Variants in GRM5 observed in about 807,000 individuals in gnomAD.
GRM5 encodes the protein glutamate metabotropic receptor 5.
In GRM5, 19 loss-of-function variants were observed where a neutral mutation model predicts 83.1. The ratio of observed to expected loss-of-function variants is 0.23; its 90% confidence interval spans 0.16 to 0.34. The LOEUF is 0.34. GRM5 is among the 10% of genes least tolerant of loss of function. GRM5 has a pLI of 1.00. For missense variants in GRM5, 1,160 were observed against 1,588.3 expected (o/e 0.73, Z 4.58); for synonymous variants, 675 against 633.6 (o/e 1.07, Z -0.98).
chr11:88,525,885 T>A (rs1225743381), intron 8 of GRM5, among the ~76,000 whole-genome samples: 1 of 152,232 alleles, frequency 6.6e-6, no homozygotes, highest in East Asian at 1.9e-4. Context: ...TTAAGCAAAT[T>A]AATCAAAGAT....
chr11:88,683,241 A>G (rs975477072), intron 3 of GRM5, among the ~76,000 whole-genome samples: 3 of 152,090 alleles, frequency 2.0e-5, no homozygotes, highest in African/African-American at 7.2e-5. Flanking sequence ...CATTAATGGT[A>G]TTGTCAATGC....
chr11:88,745,176 AT>A (rs969785948), intron 3 of GRM5, among the ~76,000 whole-genome samples: 2 of 133,706 alleles, frequency 1.5e-5, no homozygotes, highest in African/African-American at 2.8e-5. Flanking sequence ...ACTTCTCCTA[AT>A]TTTTTTTTCT....
In GRM5 at chr11:89,027,761, C is replaced by A. The variant is rs546552930; in HGVS notation, c.661+19451G>T. Among the ~76,000 whole-genome samples, 5 of 152,164 alleles carry A rather than the reference C, an allele frequency of 3.3e-5. 1 individual carries two copies. Among genetic ancestry groups the A allele is most frequent in the Admixed American group, 3.3e-4 (5 of 15,288 alleles). On this transcript the variant is annotated intron_variant, in intron 2 of 9. Coordinates refer to ENST00000305447, the MANE Select transcript of GRM5 (RefSeq NM_001143831.3). ...ATAATTCAGTATGTATTTATTTGAC[C>A]TCCATGTACTCAAAACTATGGCAAC...
intron 3 of GRM5, among the ~76,000 whole-genome samples, chr11:88,707,132 G>T (rs1217745839): frequency 6.6e-6 from 1 of 151,994 alleles, no homozygotes; most frequent in Non-Finnish European, 1.5e-5. Context: ...GTGTGGTATT[G>T]GTACTTGAGT....
chr11:88,990,308 C>A (rs1939919901), intron 2 of GRM5, among the ~76,000 whole-genome samples: 1 of 151,976 alleles, frequency 6.6e-6, no homozygotes, highest in Admixed American at 6.6e-5. Context: ...CAAGACTAAA[C>A]CAGGAAGAAG....
intron 2 of GRM5, among the ~76,000 whole-genome samples, chr11:89,040,690 G>T (rs1239184467): frequency 6.6e-6 from 1 of 151,922 alleles, no homozygotes; most frequent in South Asian, 2.1e-4. Context: ...AATAGAGAGA[G>T]ACCCTGTCTC....
intron 4 of GRM5, among the ~76,000 whole-genome samples, chr11:88,620,972 A>T (rs551130063): frequency 1.3e-5 from 2 of 152,338 alleles, no homozygotes; most frequent in African/African-American, 2.4e-5. Flanking sequence ...CTCCGTGCAG[A>T]ACATCAAATT....
At chr11:88,690,971 A>G (rs1940766871) in intron 3 of GRM5, among the ~76,000 whole-genome samples, 1 of 152,210 alleles carries the variant, frequency 6.6e-6, no homozygotes, top group Admixed American at 6.5e-5. Flanking sequence ...AAACCAGCCT[A>G]TGGATCAATT....
At chr11:88,810,957 A>T (rs938761954) in intron 3 of GRM5, among the ~76,000 whole-genome samples, 7 of 152,282 alleles carry the variant, frequency 4.6e-5, no homozygotes, top group Non-Finnish European at 1.0e-4. Context: ...AACAGAGTTT[A>T]TTCATCTGTA....
intron 3 of GRM5, among the ~76,000 whole-genome samples, chr11:88,745,822 T>C (rs1286598102): frequency 6.6e-6 from 1 of 152,176 alleles, no homozygotes; most frequent in Non-Finnish European, 1.5e-5. Context: ...CTCAGCGTTT[T>C]TATTCAATCA....
At chr11:88,889,160 C>T (rs1945095501) in intron 2 of GRM5, among the ~76,000 whole-genome samples, 1 of 152,116 alleles carries the variant, frequency 6.6e-6, no homozygotes, top group Admixed American at 6.5e-5. Flanking sequence ...ATCTTGTAGC[C>T]TCCAGCTGTG....
chr11:88,858,688 A>G (rs1944513709), intron 2 of GRM5, among the ~76,000 whole-genome samples: 1 of 152,086 alleles, frequency 6.6e-6, no homozygotes. Flanking sequence ...CTCAACATGT[A>G]TCTACTCCCT....
chr11:88,880,740 AG>A (rs1427233137), intron 2 of GRM5, among the ~76,000 whole-genome samples: 1 of 152,192 alleles, frequency 6.6e-6, no homozygotes, highest in Non-Finnish European at 1.5e-5. Flanking sequence ...AATGTTTTAA[AG>A]GAAGCAAGAT....
chr11:88,765,017 G>T (rs1162828163), intron 3 of GRM5, among the ~76,000 whole-genome samples: 19 of 151,246 alleles, frequency 1.3e-4, no homozygotes, highest in Admixed American at 1.3e-3. Context: ...TAAAAGTGGA[G>T]ACATGATGAA....
rs190375241 is a variant in GRM5, at chr11:88,579,944, T to A, written c.1690+10657A>T. Among the ~76,000 whole-genome samples the A allele has an allele frequency of 2.0e-5, 3 of 152,314 alleles. No individual in the cohort carries two copies. The East Asian group carries it at 5.8e-4, about 29-fold the overall frequency. ...TTATTTTCAGAAGAAAGATGATTAA[T>A]GATGATTGTTAGACACTTTTACTGG... is the stretch of plus-strand genomic sequence containing the variant. On this transcript the variant is annotated intron_variant, in intron 7 of 9. Coordinates refer to ENST00000305447, the MANE Select transcript of GRM5 (RefSeq NM_001143831.3).
At chr11:88,604,588 G>T in intron 5 of GRM5, 130 bp downstream of exon 5, 1 of 753,790 alleles carries the variant, frequency 1.3e-6, no homozygotes. Flanking sequence ...TGCTCATTTG[G>T]GATGTCAGGG....
At chr11:88,802,786 C>T (rs996924753) in intron 3 of GRM5, among the ~76,000 whole-genome samples, 18 of 149,436 alleles carry the variant, frequency 1.2e-4, no homozygotes, top group African/African-American at 4.5e-4. Flanking sequence ...CTAGAAAACC[C>T]CATCATCTCA....
At chr11:89,046,396 G>C (rs1196644505) in intron 2 of GRM5, among the ~76,000 whole-genome samples, 1 of 151,632 alleles carries the variant, frequency 6.6e-6, no homozygotes, top group East Asian at 1.9e-4. Context: ...TAGAAGAAGA[G>C]CTGCATAACA....
intron 2 of GRM5, among the ~76,000 whole-genome samples, chr11:88,990,692 G>T (rs1939932239): frequency 6.6e-6 from 1 of 151,098 alleles, no homozygotes; most frequent in Non-Finnish European, 1.5e-5. Context: ...TCCCTGGGAT[G>T]CAAGGCTGGT....
Sources: allele counts gnomAD v4.1 joint callset (sites outside exome capture counted in the v4.1 genomes callset), GRCh38; gene constraint gnomAD v4.1.1; transcripts MANE v1.5; gene names NCBI Gene and HGNC (gene_info 2026-07-23, HGNC 2026-07-21).